AP3B1: variants seen among roughly 807,000 people sequenced by gnomAD.
The protein encoded by AP3B1 is adaptor related protein complex 3 subunit beta 1.
In AP3B1, 61 loss-of-function variants were observed where a neutral mutation model predicts 132.5. The ratio of observed to expected loss-of-function variants is 0.46; its 90% CI spans 0.37 to 0.57. AP3B1 has a LOEUF of 0.57. AP3B1 is among the 20% of genes least tolerant of loss of function. AP3B1 has a pLI of 0.00. For missense variants in AP3B1, 1,120 were observed against 1,289.4 expected, an observed-to-expected ratio of 0.87 and a Z score of 2.01; for synonymous variants, 388 against 438.3, an observed-to-expected ratio of 0.89 and a Z score of 1.43.
At chr5:78,216,536 C>T (rs987566765) in intron 6 of AP3B1, among the ~76,000 whole-genome samples, 2 of 152,084 alleles carry the variant, frequency 1.3e-5, no homozygotes, top group East Asian at 1.9e-4. Context: ...ACATTAATCA[C>T]GCACATTTTT....
At chr5:78,180,933 C>G (rs1744339546) in intron 8 of AP3B1, among the ~76,000 whole-genome samples, 1 of 151,454 alleles carries the variant, frequency 6.6e-6, no homozygotes, top group Admixed American at 6.6e-5. Flanking sequence ...AAAAAGGTGT[C>G]GAACAAACAA....
chr5:78,035,961 T>C (rs1404703479), intron 23 of AP3B1, among the ~76,000 whole-genome samples: 2 of 152,148 alleles, frequency 1.3e-5, no homozygotes, highest in African/African-American at 4.8e-5. Context: ...ATGCCTTCTG[T>C]GCCATAACTA....
chr5:78,150,101 G>A (rs957131921), intron 14 of AP3B1, among the ~76,000 whole-genome samples: 1 of 152,092 alleles, frequency 6.6e-6, no homozygotes, highest in South Asian at 2.1e-4. Flanking sequence ...CCTCTGAAGA[G>A]AATGAGAATA....
chr5:78,097,813 A>G (rs1431716978), intron 21 of AP3B1, among the ~76,000 whole-genome samples: 6 of 152,202 alleles, frequency 3.9e-5, no homozygotes, highest in Non-Finnish European at 8.8e-5. Context: ...CCATGATGAC[A>G]ATGGTGGTTT....
chr5:78,229,711 C>T (rs1746556866), intron 3 of AP3B1, among the ~76,000 whole-genome samples: 1 of 151,824 alleles, frequency 6.6e-6, no homozygotes, highest in Non-Finnish European at 1.5e-5. Context: ...TGCACTCCAG[C>T]CTGGGCAACT....
At chr5:78,067,902 T>C (rs1300335278) in intron 22 of AP3B1, among the ~76,000 whole-genome samples, 1 of 142,660 alleles carries the variant, frequency 7.0e-6, no homozygotes, top group African/African-American at 2.6e-5. Context: ...AGACAAGAAA[T>C]AACCAAGATC....
chr5:78,217,315 G>C (rs911884161), intron 6 of AP3B1, among the ~76,000 whole-genome samples: 1 of 152,060 alleles, frequency 6.6e-6, no homozygotes, highest in Non-Finnish European at 1.5e-5. Context: ...TCAGAATATA[G>C]ACTCGCTATT....
At chr5:78,256,593 A>G (rs1395064297) in intron 2 of AP3B1, among the ~76,000 whole-genome samples, 2 of 152,144 alleles carry the variant, frequency 1.3e-5, no homozygotes, top group Non-Finnish European at 2.9e-5. Flanking sequence ...CCAAACATTT[A>G]AAGAAGAATT....
chr5:78,173,196 A>G (rs1580442852), intron 11 of AP3B1, among the ~76,000 whole-genome samples: 2 of 152,174 alleles, frequency 1.3e-5, no homozygotes, highest in South Asian at 2.1e-4. Context: ...CAATTTTAGA[A>G]TAAGTGTGAT....
In AP3B1 at chr5:78,164,503, T is replaced by C. The variant is rs565708618; in HGVS notation, c.1230+1107A>G. On this transcript the variant is annotated intron_variant, in intron 12 of 26. Coordinates refer to ENST00000255194, the MANE Select transcript of AP3B1 (RefSeq NM_003664.5). ...TGAGAGGACACCCAAAGAGACTAGA[T>C]AGGACAACAGGAAAGGAACAAGAAA... 2.6e-5 allele frequency among the ~76,000 whole-genome samples: 4 copies of C among 151,800 alleles called. No individual in the cohort carries two copies. In the East Asian group the frequency reaches 5.8e-4, roughly 22 times the overall value.
intron 22 of AP3B1, among the ~76,000 whole-genome samples, chr5:78,065,714 A>C (rs552433418): frequency 6.6e-6 from 1 of 152,176 alleles, no homozygotes; most frequent in Admixed American, 6.5e-5. Context: ...TTGGTGGATC[A>C]GTGCACTTAG....
At chr5:78,212,545 A>T (rs139715111) in intron 7 of AP3B1, among the ~76,000 whole-genome samples, 1 of 152,300 alleles carries the variant, frequency 6.6e-6, no homozygotes, top group East Asian at 1.9e-4. Flanking sequence ...AATGGTGCTT[A>T]TATAGCATTT....
chr5:78,005,055 G>T (rs1249861703), intron 26 of AP3B1, among the ~76,000 whole-genome samples: 1 of 152,154 alleles, frequency 6.6e-6, no homozygotes, highest in East Asian at 1.9e-4. Flanking sequence ...ATAGGAGAAT[G>T]CTGTTTCTAT....
intron 21 of AP3B1, among the ~76,000 whole-genome samples, chr5:78,096,059 G>A (rs562159914): frequency 1.3e-5 from 2 of 152,064 alleles, no homozygotes; most frequent in African/African-American, 2.4e-5. Flanking sequence ...CTCTGATGCC[G>A]AGCTGAAGCT....
intron 22 of AP3B1, among the ~76,000 whole-genome samples, chr5:78,052,965 G>T (rs1748645709): frequency 6.6e-6 from 1 of 152,162 alleles, no homozygotes; most frequent in Admixed American, 6.5e-5. Context: ...CTTGTAAAGT[G>T]TTCAGCATGA....
intron 7 of AP3B1, among the ~76,000 whole-genome samples, chr5:78,182,148 T>C (rs1744399273): frequency 6.6e-6 from 1 of 152,340 alleles, no homozygotes; most frequent in East Asian, 1.9e-4. Context: ...CCCTGAGTTG[T>C]CAAGAAAACG....
At chr5:78,129,376 T>C (rs886913450) in intron 15 of AP3B1, 69 bp from the exon 16 acceptor site, 25 of 1,282,496 alleles carry the variant, frequency 1.9e-5, no homozygotes, top group Non-Finnish European at 2.8e-5. Flanking sequence ...TGGATAAACA[T>C]ATTTAAAGAG....
At chr5:78,100,876 T>A (rs562715636) in intron 21 of AP3B1, 77 bp downstream of exon 21, 1 of 839,202 alleles carries the variant, frequency 1.2e-6, no homozygotes. Flanking sequence ...TTTTGGGACA[T>A]GTAAATGAAA....
chr5:78,098,930 A>G (rs1301402892), intron 21 of AP3B1, among the ~76,000 whole-genome samples: 1 of 152,098 alleles, frequency 6.6e-6, no homozygotes, highest in Non-Finnish European at 1.5e-5. Context: ...AACAAGAATA[A>G]CAAGAAGGTT....
Sources: gnomAD v4.1 joint callset for allele counts (sites outside exome capture counted in the v4.1 genomes callset) on GRCh38, gnomAD v4.1.1 for gene constraint, MANE v1.5 for transcripts, NCBI Gene and HGNC (gene_info 2026-07-23, HGNC 2026-07-21) for gene names.